POGZ: variants seen among roughly 807,000 people sequenced by gnomAD.
POGZ encodes the protein pogo transposable element with ZNF domain.
In POGZ, 17 loss-of-function variants were observed where a neutral mutation model predicts 134.6. The ratio of observed to expected loss-of-function variants is 0.13; its 90% confidence interval spans 0.09 to 0.19. The LOEUF is 0.19. Ranked by LOEUF, POGZ falls within the 10% of genes least tolerant of loss-of-function variation. The pLI, the probability that POGZ is intolerant of heterozygous loss-of-function variation, is 1.00. For synonymous variants in POGZ, 693 were observed against 657.1 expected, an observed-to-expected ratio of 1.05 and a Z score of -0.84; for missense variants, 1,306 against 1,769.7, an observed-to-expected ratio of 0.74 and a Z score of 4.70.
At chr1:151,448,212 G>A (rs1661543686) in intron 1 of POGZ, among the ~76,000 whole-genome samples, 1 of 152,066 alleles carries the variant, frequency 6.6e-6, no homozygotes, top group African/African-American at 2.4e-5. Context: ...TGAAATGTTT[G>A]TCTTATATAT....
rs768968029 is a variant in POGZ, at chr1:151,405,028, A to G, written c.4007T>C (p.Ile1336Thr). Reference sequence around the variant, plus strand: ...GTCAGCATTTCTTGTAGGTGAGTTAATGTTGCCATCGGGGCCAGGCAGAAC... The same window carrying G: ...GTCAGCATTTCTTGTAGGTGAGTTAGTGTTGCCATCGGGGCCAGGCAGAAC... ...ASVLPGPDGN[I>T]NSPTRNADMQ... Residue 1336 changes from isoleucine to threonine, a missense_variant, in exon 19 of 19, where the codon ATT becomes ACT. Ile to Thr is a moderately conservative substitution (Grantham distance 89). Transcript: ENST00000271715. This position sits in a 1 kb window ranked among gnomAD's most constrained non-coding sequence, Gnocchi z 4.9. 16 of 1,614,202 alleles carry G rather than the reference A, an allele frequency of 9.9e-6. No homozygotes were observed. In the Middle Eastern group the frequency reaches 2.0e-3, roughly 200 times the overall value.
intron 1 of POGZ, among the ~76,000 whole-genome samples, chr1:151,453,788 C>T (rs1201462385): frequency 6.6e-5 from 10 of 151,938 alleles, no homozygotes; most frequent in Non-Finnish European, 7.4e-5. Context: ...TAAATGCTGG[C>T]GAATATGGTA....
chr1:151,444,829 G>T (rs2102384494), intron 1 of POGZ, among the ~76,000 whole-genome samples: 1 of 152,232 alleles, frequency 6.6e-6, no homozygotes, highest in South Asian at 2.1e-4. Flanking sequence ...TCCAGCTTGG[G>T]TAGCACAGCA....
rs1340612489 is a variant in POGZ at position 151,404,112 on chromosome 1, T to C, written c.*690A>G. On this transcript the variant is annotated 3_prime_UTR_variant, in exon 19 of 19. Coordinates refer to ENST00000271715, the MANE Select transcript of POGZ (RefSeq NM_015100.4). ...TTCTGGATAATTAAAGGTGGTTTCA[T>C]GCATTTTTAAAGCCACAATTTTATA... The C allele has an allele frequency of 1.0e-6, 1 of 985,394 alleles. No homozygotes were observed. The highest frequency in any genetic ancestry group is 1.2e-6 in the Non-Finnish European group (1 of 829,820). 61.0% of individuals were successfully genotyped at this position (985,394 alleles called of 1,614,324 possible).
intron 12 of POGZ, among the ~76,000 whole-genome samples, chr1:151,410,699 T>G (rs1231885877): frequency 1.3e-5 from 2 of 152,210 alleles, no homozygotes; most frequent in Non-Finnish European, 2.9e-5. Context: ...TTGAGATCTA[T>G]TATCCAACAG....
At chr1:151,406,533 GATAATAATA>G (rs541963643) in intron 18 of POGZ, 65 bp downstream of exon 18, 1 of 1,515,444 alleles carries the variant, frequency 6.6e-7, no homozygotes, top group African/African-American at 1.4e-5. Flanking sequence ...ACAATAATAT[GATAATAATA>G]ATAATAATAA....
intron 1 of POGZ, among the ~76,000 whole-genome samples, chr1:151,446,752 T>C (rs1169461657): frequency 1.6e-5 from 1 of 63,716 alleles, no homozygotes; most frequent in Non-Finnish European, 2.8e-5. Flanking sequence ...CAAGACTCCA[T>C]CTCAAAAAAA....
intron 10 of POGZ, among the ~76,000 whole-genome samples, chr1:151,418,044 C>A (rs1034495195): frequency 3.9e-5 from 6 of 151,968 alleles, no homozygotes; most frequent in Non-Finnish European, 5.9e-5. Context: ...AAAACCCCGT[C>A]TCCACTAAAA....
chr1:151,403,551 C>T lies in POGZ; in HGVS notation c.*1251G>A. 1.0e-6 allele frequency: 1 copy of T among 985,370 alleles called. No homozygotes were observed. Among genetic ancestry groups the T allele is most frequent in the Non-Finnish European group, 1.2e-6 (1 of 829,554 alleles). 61.0% of individuals were successfully genotyped at this position (985,370 alleles called of 1,614,324 possible). A position where few individuals can be genotyped will look rare whatever the true frequency, so the allele number is the denominator to read the frequency against. On this transcript the variant is annotated 3_prime_UTR_variant, in exon 19 of 19. Coordinates refer to ENST00000271715, the MANE Select transcript of POGZ (RefSeq NM_015100.4). ...ACGTTTTGGTTTACAACCATGAGTACATACAATTAAAAAAATCCCTCATGC... is the reference window on the plus strand; with the variant it reads ...ACGTTTTGGTTTACAACCATGAGTATATACAATTAAAAAAATCCCTCATGC...
chr1:151,432,422 T>A (rs16833237), intron 3 of POGZ, among the ~76,000 whole-genome samples: 1 of 152,130 alleles, frequency 6.6e-6, no homozygotes, highest in African/African-American at 2.4e-5. Context: ...ATCAGTAGAC[T>A]AGACCCTCAG....
At chr1:151,447,526 A>G (rs1447548606) in intron 1 of POGZ, among the ~76,000 whole-genome samples, 1 of 151,336 alleles carries the variant, frequency 6.6e-6, no homozygotes, top group Non-Finnish European at 1.5e-5. Flanking sequence ...ATCTCAGCTC[A>G]CTGCAACCTC....
chr1:151,425,275 C>T, intron 7 of POGZ: 1 of 418,522 alleles, frequency 2.4e-6, no homozygotes, highest in East Asian at 4.8e-5. Context: ...GACCACAGCT[C>T]ACTGCAGCCT....
chr1:151,457,579 C>G (rs1662922168), intron 1 of POGZ, among the ~76,000 whole-genome samples: 1 of 152,180 alleles, frequency 6.6e-6, no homozygotes, highest in African/African-American at 2.4e-5. Context: ...TGCCAACGAG[C>G]AGCCCTCCCT....
intron 3 of POGZ, among the ~76,000 whole-genome samples, chr1:151,439,729 ACTGACACAACATTTCTAGATGGC>A (rs1396177253): frequency 7.9e-5 from 12 of 152,196 alleles, no homozygotes; most frequent in Non-Finnish European, 4.4e-5. Flanking sequence ...AGCAATATAA[ACTGACACAACATTTCTAGATGGC>A]CAATCCAGGA....
intron 17 of POGZ, 64 bp downstream of exon 17, chr1:151,406,847 T>C: frequency 1.6e-6 from 2 of 1,264,714 alleles, no homozygotes; most frequent in Admixed American, 1.7e-5. Context: ...TCCTGATGCA[T>C]ACAGTACGAA....
chr1:151,416,931 C>A (rs1655831816), intron 10 of POGZ, among the ~76,000 whole-genome samples: 1 of 151,936 alleles, frequency 6.6e-6, no homozygotes, highest in African/African-American at 2.4e-5. Flanking sequence ...CATGCCTTGG[C>A]CTGTAATGTT....
At position 151,406,947 on chromosome 1, in the gene POGZ, T is replaced by G; in HGVS notation, c.2509A>C (p.Asn837His). ...GDAMAKHLVF[N>H]PSHRSSSILP... ...ATGCTGCTGGATCTGTGAGAGGGGT[T>G]GAATACCAAATGCTTGGCCATAGCA... is the stretch of plus-strand genomic sequence containing the variant. The change falls in exon 17 of 19, where the codon AAC becomes CAC. Residue 837 changes from asparagine (N) to histidine (H), a missense_variant. By Grantham distance (68) the Asn-to-His change is moderately conservative. This residue lies in a region of POGZ where 214 missense variants were observed against 255.5 expected (regional missense o/e 0.84). Coordinates refer to ENST00000271715, the MANE Select transcript of POGZ (RefSeq NM_015100.4). 2 of 1,614,130 alleles carry G rather than the reference T, an allele frequency of 1.2e-6. No individual in the cohort carries two copies.
chr1:151,425,166 G>A, intron 7 of POGZ, 105 bp from the exon 8 acceptor site: 1 of 655,624 alleles, frequency 1.5e-6, no homozygotes, highest in Non-Finnish European at 2.8e-6. Context: ...TATATAAAAG[G>A]GTAAGCAAGC....
intron 1 of POGZ, among the ~76,000 whole-genome samples, chr1:151,455,685 T>C (rs1434289739): frequency 6.6e-6 from 1 of 152,242 alleles, no homozygotes; most frequent in East Asian, 1.9e-4. Context: ...AAAGTAACGT[T>C]GTTTTGCATT....
Sources: gnomAD v4.1 joint callset for allele counts (sites outside exome capture counted in the v4.1 genomes callset) on GRCh38, gnomAD v4.1.1 for gene constraint, gnomAD v4.1.1 regional missense constraint, Gnocchi (gnomAD v3.1) non-coding constraint, MANE v1.5 for transcripts, NCBI Gene and HGNC (gene_info 2026-07-23, HGNC 2026-07-21) for gene names.